TMEM167A: variants seen among roughly 807,000 people sequenced by gnomAD.
The protein encoded by TMEM167A is transmembrane protein 167A.
In TMEM167A, 8 loss-of-function variants were observed where a neutral mutation model predicts 11.6. The observed-to-expected ratio is 0.69, with a 90% CI of 0.40 to 1.24. The LOEUF is 1.24. Ranked by LOEUF, TMEM167A falls within the 50% of genes most tolerant of loss-of-function variation. The probability of loss-of-function intolerance (pLI) is 0.01; values close to 1 mark genes in which losing one functional copy is unlikely to be tolerated. For synonymous variants in TMEM167A, 22 were observed against 28.0 expected (o/e 0.79, Z 0.67); for missense variants, 62 against 87.0 (o/e 0.71, Z 1.14).
Position 83,067,091 on chromosome 5 carries a change from C to G in TMEM167A, c.4-1974G>C, listed in dbSNP as rs191509750. On this transcript the variant is annotated intron_variant, in intron 1 of 3. Coordinates refer to ENST00000502346, the MANE Select transcript of TMEM167A (RefSeq NM_174909.5). ...AGCAACATAACATGGATTAAGAAACCTGGTATGCCAGATTTTTATATTGGA... is the reference window on the plus strand; with the variant it reads ...AGCAACATAACATGGATTAAGAAACGTGGTATGCCAGATTTTTATATTGGA... Among the ~76,000 whole-genome samples, 98 of 152,186 alleles carry G rather than the reference C, an allele frequency of 6.4e-4. 1 individual carries two copies. In the East Asian group the frequency reaches 0.016, roughly 25 times the overall value.
In TMEM167A at chr5:83,060,682, T is replaced by A. The variant is rs1463980442; in HGVS notation, c.148+1195A>T. On this transcript the variant is annotated intron_variant, in intron 3 of 3. Coordinates refer to ENST00000502346, the MANE Select transcript of TMEM167A (RefSeq NM_174909.5). The stretch of plus-strand genomic sequence containing the variant: ...CTGTCTCTACTAAAAATACAAAAAA[T>A]TAGCTGGGCGTGGTGGTGGGTGCCT... Among the ~76,000 whole-genome samples, 6 of 151,852 alleles carry A rather than the reference T, an allele frequency of 4.0e-5. No homozygotes were observed. In the Middle Eastern group the frequency reaches 0.01, roughly 258 times the overall value.
chr5:83,076,638 T>C (rs765141871), intron 1 of TMEM167A, among the ~76,000 whole-genome samples: 1 of 152,252 alleles, frequency 6.6e-6, no homozygotes, highest in Non-Finnish European at 1.5e-5. Flanking sequence ...TAGTTGTTTT[T>C]GGGTCTATTT....
chr5:83,061,691 G>A (rs1161435037), intron 3 of TMEM167A, among the ~76,000 whole-genome samples, 186 bp downstream of exon 3: 1 of 152,158 alleles, frequency 6.6e-6, no homozygotes, highest in East Asian at 1.9e-4. Context: ...CACCACGCCT[G>A]GCCCAAATGT....
chr5:83,068,914 G>A (rs937770189), intron 1 of TMEM167A, among the ~76,000 whole-genome samples: 1 of 152,128 alleles, frequency 6.6e-6, no homozygotes, highest in Non-Finnish European at 1.5e-5. Flanking sequence ...CATGTGTGGT[G>A]GGAGAGGGGT....
Position 83,056,791 on chromosome 5 carries a change from C to A in TMEM167A, c.*293G>T, listed in dbSNP as rs1744337886. 7 of 399,714 alleles carry A rather than the reference C, an allele frequency of 1.8e-5. No individual in the cohort carries two copies. In the South Asian group the frequency reaches 2.0e-4, roughly 11 times the overall value. 24.8% of individuals were successfully genotyped at this position (399,714 alleles called of 1,614,324 possible). On this transcript the variant is annotated 3_prime_UTR_variant, in exon 4 of 4. Coordinates refer to ENST00000502346, the MANE Select transcript of TMEM167A (RefSeq NM_174909.5). ...ACCAATTTTGTTTTCTACTATGTGC[C>A]TTAGAGATACCTCACTAAAATTTTG...
intron 1 of TMEM167A, among the ~76,000 whole-genome samples, chr5:83,068,961 A>G (rs1324562326): frequency 6.6e-6 from 1 of 152,234 alleles, no homozygotes; most frequent in Non-Finnish European, 1.5e-5. Flanking sequence ...ATGAGGGTTC[A>G]TTATAGGCTT....
chr5:83,068,916 G>T (rs2112246615), intron 1 of TMEM167A, among the ~76,000 whole-genome samples: 1 of 152,260 alleles, frequency 6.6e-6, no homozygotes, highest in Middle Eastern at 3.4e-3. Flanking sequence ...TGTGTGGTGG[G>T]AGAGGGGTAG....
At chr5:83,064,874 AG>A (rs1471560738) in intron 2 of TMEM167A, 133 bp downstream of exon 2, 2 of 588,482 alleles carry the variant, frequency 3.4e-6, no homozygotes, top group Non-Finnish European at 5.9e-6. Flanking sequence ...AATTTTTAAC[AG>A]GAAGAAAATG....
chr5:83,073,055 T>C (rs1250621035), intron 1 of TMEM167A, among the ~76,000 whole-genome samples: 1 of 152,184 alleles, frequency 6.6e-6, no homozygotes, highest in African/African-American at 2.4e-5. Flanking sequence ...TCTTAATATT[T>C]TTGTGCAATT....
At chr5:83,065,151 C>G (rs754873439) in intron 1 of TMEM167A, 34 bp from the exon 2 acceptor site, 5 of 1,335,016 alleles carry the variant, frequency 3.7e-6, no homozygotes, top group Middle Eastern at 2.7e-4. Flanking sequence ...AAATTAATAT[C>G]AAGAAAAACT....
In TMEM167A at chr5:83,065,091, T is replaced by G. The variant is rs200167479; in HGVS notation, c.30A>C (p.Leu10=). 8.2e-6 allele frequency: 13 copies of G among 1,585,176 alleles called. No homozygotes were observed. The highest frequency in any genetic ancestry group is 4.6e-4 in the Middle Eastern group (2 of 4,366). Residue 10 remains leucine (L), a synonymous_variant, in exon 2 of 4, where the codon CTA becomes CTC. Transcript: ENST00000502346. MSAIFNFQS[L]LTVILLLICT... is the part of the protein sequence containing the mutation. ...ATATAAGCAGCAAGATTACAGTCAA[T>G]AGACTCTGAAAATTGAAAATGGCAG...
rs964964540 is a variant in TMEM167A, at chr5:83,077,318, T to C, written c.3+3A>G. ...ACCGCGACCTGGGAGCCCCACTTCT[T>C]ACCATAGCGAGGCCGGCGATGCCGC... On this transcript the variant is annotated splice_donor_region_variant and intron_variant, in intron 1 of 3. Transcript: ENST00000502346. 14 of 1,613,992 alleles carry C rather than the reference T, an allele frequency of 8.7e-6. No individual in the cohort carries two copies. The East Asian group carries it at 8.9e-5, about 10-fold the overall frequency.
chr5:83,072,788 C>A (rs1267145803), intron 1 of TMEM167A, among the ~76,000 whole-genome samples: 1 of 152,100 alleles, frequency 6.6e-6, no homozygotes, highest in Non-Finnish European at 1.5e-5. Flanking sequence ...TTTTTCTTTG[C>A]AATCAGTATT....
At chr5:83,059,000 C>T (rs1406960816) in intron 3 of TMEM167A, among the ~76,000 whole-genome samples, 1 of 152,022 alleles carries the variant, frequency 6.6e-6, no homozygotes, top group South Asian at 2.1e-4. Context: ...AAGAGAGGAG[C>T]ATATGCTTGA....
Position 83,077,287 on chromosome 5 carries a change from AG to A in TMEM167A, c.3+33del, listed in dbSNP as rs1178733065. Reference sequence around the variant, plus strand: ...GTCTAGATCCACAACCCCTTCTCGAAGATCAACCGCGACCTGGGAGCCCCAC... The same window carrying A: ...GTCTAGATCCACAACCCCTTCTCGAAATCAACCGCGACCTGGGAGCCCCAC... On this transcript the variant is annotated intron_variant, in intron 1 of 3. Transcript: ENST00000502346. 2.5e-6 allele frequency: 4 copies of A among 1,614,076 alleles called. No individual in the cohort carries two copies. In the South Asian group the frequency reaches 4.4e-5, roughly 18 times the overall value.
At chr5:83,061,995 A>AT (rs1422719888) in intron 2 of TMEM167A, 84 bp from the exon 3 acceptor site, 1 of 1,111,090 alleles carries the variant, frequency 9.0e-7, no homozygotes, top group Non-Finnish European at 1.3e-6. Flanking sequence ...TAGGGAATTA[A>AT]TTGTATATTA....
At chr5:83,064,954 C>A in intron 2 of TMEM167A, 54 bp downstream of exon 2, 1 of 1,026,676 alleles carries the variant, frequency 9.7e-7, no homozygotes, top group Non-Finnish European at 1.5e-6. Context: ...TGTTAACTTA[C>A]ATTGAACATT....
intron 1 of TMEM167A, among the ~76,000 whole-genome samples, chr5:83,070,253 T>C (rs975663968): frequency 3.9e-5 from 6 of 152,166 alleles, no homozygotes; most frequent in Non-Finnish European, 7.4e-5. Context: ...AGTACGCAGG[T>C]TCTGTAAGAC....
chr5:83,065,124 AG>A lies in TMEM167A; in HGVS notation c.4-8del, dbSNP rs1172232307. 7.2e-6 allele frequency: 11 copies of A among 1,521,018 alleles called. No individual in the cohort carries two copies. Among genetic ancestry groups the A allele is most frequent in the Admixed American group, 4.1e-5 (2 of 48,518 alleles). 94.2% of individuals were successfully genotyped at this position (1,521,018 alleles called of 1,614,324 possible). The stretch of plus-strand genomic sequence containing the variant: ...GAAAATTGAAAATGGCAGACTAAAA[AG>A]AAAAAAAAAAAAGAAAAATTAATAT... On this transcript the variant is annotated splice_polypyrimidine_tract_variant and splice_region_variant and intron_variant, in intron 1 of 3. Coordinates refer to ENST00000502346, the MANE Select transcript of TMEM167A (RefSeq NM_174909.5).
Sources: gnomAD v4.1 joint callset for allele counts (sites outside exome capture counted in the v4.1 genomes callset) on GRCh38, gnomAD v4.1.1 for gene constraint, MANE v1.5 for transcripts, NCBI Gene and HGNC (gene_info 2026-07-23, HGNC 2026-07-21) for gene names.